TEC: variants seen among roughly 807,000 people sequenced by gnomAD.
The protein encoded by TEC is tec protein tyrosine kinase.
A neutral mutation model predicts 93.0 loss-of-function variants in TEC; 72 were observed. The observed-to-expected ratio is 0.77, with a 90% CI of 0.64 to 0.94. The LOEUF (loss-of-function observed/expected upper bound fraction) is 0.94. Ranked by LOEUF, TEC falls within the 40% of genes least tolerant of loss-of-function variation. The probability of loss-of-function intolerance (pLI) is 0.00; values close to 1 mark genes in which losing one functional copy is unlikely to be tolerated. For missense variants in TEC, 630 were observed against 757.9 expected, an observed-to-expected ratio of 0.83 and a Z score of 1.98; for synonymous variants, 249 against 247.7, an observed-to-expected ratio of 1.01 and a Z score of -0.05.
chr4:48,179,099 GACA>G lies in TEC; in HGVS notation c.139-2916_139-2914del, dbSNP rs1028258842. On this transcript the variant is annotated intron_variant, in intron 2 of 17. Coordinates refer to ENST00000381501, the MANE Select transcript of TEC (RefSeq NM_003215.3). ...CTCCCTTCCCTTCAGTTTCTCACAG[GACA>G]ACACCTGTCATGTGTCAACAACTGT... Among the ~76,000 whole-genome samples the G allele has an allele frequency of 1.3e-4, 19 of 151,892 alleles. 1 individual carries two copies. Among genetic ancestry groups the G allele is most frequent in the Admixed American group, 9.2e-4 (14 of 15,248 alleles).
Position 48,149,601 on chromosome 4 carries a change from C to G in TEC, c.962G>C (p.Gly321Ala). ...KYYLAEKHAF[G>A]SIPEIIEYHK... is the part of the protein sequence containing the mutation. ...ATATTCAATAATCTCAGGAATGGAG[C>G]CAAAAGCATGTTTTTCAGCTAGGTA... The change falls in exon 11 of 18, where the codon GGC becomes GCC. Residue 321 changes from glycine (G) to alanine (A), a missense_variant. By Grantham distance (60) the Gly-to-Ala change is moderately conservative (BLOSUM62 0). Around this residue, in one of 3 missense-constraint regions of TEC, gnomAD observed 289 missense variants for 390.0 expected, o/e 0.74. Transcript: ENST00000381501. 1.2e-6 allele frequency: 2 copies of G among 1,611,886 alleles called. No homozygotes were observed. Among genetic ancestry groups the G allele is most frequent in the Non-Finnish European group, 1.7e-6 (2 of 1,179,236 alleles).
rs779206975 is a variant in TEC at position 48,146,376 on chromosome 4, G to C, written c.1030C>G (p.Pro344Ala). The C allele has an allele frequency of 5.0e-6, 8 of 1,613,588 alleles. No individual in the cohort carries two copies. Among genetic ancestry groups the C allele is most frequent in the Non-Finnish European group, 8.5e-7 (1 of 1,179,758 alleles). The change falls in exon 12 of 18, where the codon CCA (proline) becomes GCA (alanine). Residue 344 changes from proline (P) to alanine (A), a missense_variant. Around this residue, in one of 3 missense-constraint regions of TEC, gnomAD observed 289 missense variants for 390.0 expected, o/e 0.74. Coordinates refer to ENST00000381501, the MANE Select transcript of TEC (RefSeq NM_003215.3). ...AAGLVTRLRY[P>A]VSVKGKNAPT... ...GCATTCTTCCCTTTCACACTAACTG[G>C]GTACCGAAGCCTGGTGACAAGTCCT... is the stretch of plus-strand genomic sequence containing the variant.
intron 2 of TEC, among the ~76,000 whole-genome samples, chr4:48,176,669 C>T (rs748583472): frequency 1.3e-5 from 2 of 152,188 alleles, no homozygotes; most frequent in Non-Finnish European, 2.9e-5. Context: ...TTGTAGTGAG[C>T]TGAGACTGGG....
At chr4:48,158,079 T>A (rs1176608363) in intron 8 of TEC, among the ~76,000 whole-genome samples, 1 of 152,180 alleles carries the variant, frequency 6.6e-6, no homozygotes, top group Admixed American at 6.5e-5. Context: ...TCAGCTCAGC[T>A]CCTCTGGACA....
intron 2 of TEC, among the ~76,000 whole-genome samples, chr4:48,199,451 C>CTTTTTTTTTTTTTTTTT (rs1560404992): frequency 1.3e-5 from 1 of 74,294 alleles, no homozygotes. Context: ...AAAGGATTTT[C>CTTTTTTTTTTTTTTTTT]TTTCTTTTTT....
At chr4:48,173,220 TC>T (rs1233864370) in intron 3 of TEC, among the ~76,000 whole-genome samples, 1 of 152,092 alleles carries the variant, frequency 6.6e-6, no homozygotes, top group Non-Finnish European at 1.5e-5. Flanking sequence ...CAGTCTAACT[TC>T]CCCACAAAAC....
intron 1 of TEC, among the ~76,000 whole-genome samples, chr4:48,239,442 C>T (rs756835688): frequency 5.9e-5 from 9 of 152,042 alleles, no homozygotes; most frequent in East Asian, 1.9e-4. Flanking sequence ...TTGTATAAAA[C>T]GAATATTTGT....
chr4:48,217,703 A>T (rs1295432579), intron 2 of TEC, among the ~76,000 whole-genome samples: 1 of 151,742 alleles, frequency 6.6e-6, no homozygotes, highest in Non-Finnish European at 1.5e-5. Flanking sequence ...AACTGAATGC[A>T]ATGTGTGATT....
intron 2 of TEC, among the ~76,000 whole-genome samples, chr4:48,202,106 G>A (rs1046834711): frequency 5.3e-5 from 8 of 151,862 alleles, no homozygotes; most frequent in South Asian, 2.1e-4. Flanking sequence ...ACAGGCGCCC[G>A]TACTGTGGCT....
intron 15 of TEC, among the ~76,000 whole-genome samples, chr4:48,139,357 T>C (rs1419779441): frequency 6.6e-6 from 1 of 152,186 alleles, no homozygotes; most frequent in Non-Finnish European, 1.5e-5. Flanking sequence ...TAAATAAAAT[T>C]TTACCCAAAG....
At chr4:48,224,019 T>C (rs1723353045) in intron 2 of TEC, among the ~76,000 whole-genome samples, 1 of 152,216 alleles carries the variant, frequency 6.6e-6, no homozygotes, top group Admixed American at 6.5e-5. Flanking sequence ...CCTGGCCCCA[T>C]GTGTCTTTTC....
chr4:48,162,281 G>A (rs1423648291), intron 8 of TEC, among the ~76,000 whole-genome samples: 1 of 152,208 alleles, frequency 6.6e-6, no homozygotes, highest in Admixed American at 6.5e-5. Context: ...GCTGGAGGCT[G>A]AAGTACAGAG....
chr4:48,140,715 A>G (rs1719623071), intron 15 of TEC, among the ~76,000 whole-genome samples: 1 of 152,150 alleles, frequency 6.6e-6, no homozygotes, highest in South Asian at 2.1e-4. Flanking sequence ...TACATGTCAT[A>G]ATATTCTTTT....
intron 15 of TEC, among the ~76,000 whole-genome samples, chr4:48,140,421 G>C (rs539039404): frequency 6.6e-6 from 1 of 152,262 alleles, no homozygotes. Flanking sequence ...TCACAAAGAG[G>C]TCATCCTGAA....
Position 48,170,023 on chromosome 4 carries a change from C to T in TEC, c.454+225G>A, listed in dbSNP as rs149361086. Among the ~76,000 whole-genome samples, 6 of 152,274 alleles carry T rather than the reference C, an allele frequency of 3.9e-5. No individual in the cohort carries two copies. In the East Asian group the frequency reaches 9.6e-4, roughly 24 times the overall value. ...ACACTTTCAATGGATTCATTTTGAA[C>T]AAGATTCAATATTGTGATAAAAGCT... On this transcript the variant is annotated intron_variant, in intron 5 of 17. Coordinates refer to ENST00000381501, the MANE Select transcript of TEC (RefSeq NM_003215.3).
chr4:48,203,375 AAAC>A (rs1328016864), intron 2 of TEC, among the ~76,000 whole-genome samples: 1 of 143,288 alleles, frequency 7.0e-6, no homozygotes. Context: ...AAAAAAACAA[AAAC>A]AAAAACTTGG....
intron 1 of TEC, among the ~76,000 whole-genome samples, chr4:48,265,674 A>G (rs1439640594): frequency 1.3e-5 from 2 of 151,762 alleles, no homozygotes; most frequent in African/African-American, 4.8e-5. Flanking sequence ...CACCACGCCC[A>G]GCTAATTTTT....
rs1430632401 is a variant in TEC, at chr4:48,170,312, A to G, written c.390T>C (p.Tyr130=). 1.3e-6 allele frequency: 2 copies of G among 1,554,598 alleles called. No homozygotes were observed. The highest frequency in any genetic ancestry group is 2.3e-5 in the East Asian group (1 of 44,292). ...ATTTTTCAGTTTGTCTACAACACTG[A>G]TAACTTCCATCTGTCCAGAATTTAG... The part of the protein sequence containing the change: ...YHPKFWTDGS[Y]QCCRQTEKLA... Residue 130 remains tyrosine, a synonymous_variant, in exon 5 of 18, where the codon TAT becomes TAC. Coordinates refer to ENST00000381501, the MANE Select transcript of TEC (RefSeq NM_003215.3).
At chr4:48,209,713 A>G (rs1277157768) in intron 2 of TEC, among the ~76,000 whole-genome samples, 3 of 152,268 alleles carry the variant, frequency 2.0e-5, no homozygotes, top group Non-Finnish European at 4.4e-5. Flanking sequence ...AGCTAAAACT[A>G]TAAAATAGGA....
Sources: allele counts gnomAD v4.1 joint callset (sites outside exome capture counted in the v4.1 genomes callset), GRCh38; gene constraint gnomAD v4.1.1; regional missense constraint gnomAD v4.1.1; transcripts MANE v1.5; gene names NCBI Gene and HGNC (gene_info 2026-07-23, HGNC 2026-07-21).